Variants in CATSPER4 observed in about 807,000 individuals in gnomAD.
The protein encoded by CATSPER4 is cation channel sperm-associated protein 4.
A neutral mutation model predicts 54.4 loss-of-function variants in CATSPER4; 46 were observed. The observed-to-expected ratio is 0.84, with a 90% confidence interval of 0.67 to 1.08. The LOEUF is 1.08. CATSPER4 is among the 50% of genes least tolerant of loss of function. The probability of loss-of-function intolerance (pLI) is 0.00; values close to 1 mark genes in which losing one functional copy is unlikely to be tolerated. For synonymous variants in CATSPER4, 230 were observed against 231.9 expected (o/e 0.99, Z 0.08); for missense variants, 574 against 612.8 (o/e 0.94, Z 0.67).
At position 26,193,780 on chromosome 1, in the gene CATSPER4, C is replaced by T. The variant is rs1188440475; in HGVS notation, c.358-7C>T. 4 of 1,594,128 alleles carry T rather than the reference C, an allele frequency of 2.5e-6. No individual in the cohort carries two copies. The highest frequency in any genetic ancestry group is 1.3e-5 in the African/African-American group (1 of 74,714). The stretch of plus-strand genomic sequence containing the variant: ...CTGCCCCTCTTTTTTCTCTGTCTCC[C>T]ATGTAGAAACACTATGAGTTGTTCT... On this transcript the variant is annotated splice_region_variant and splice_polypyrimidine_tract_variant and intron_variant, in intron 2 of 9. Transcript: ENST00000456354.
At chr1:26,198,174 G>C (rs2088965389) in intron 5 of CATSPER4, 97 bp downstream of exon 5, 2 of 1,612,702 alleles carry the variant, frequency 1.2e-6, no homozygotes, top group South Asian at 1.1e-5. Flanking sequence ...AGAGAGGCCT[G>C]TGGGCCTGAA....
intron 2 of CATSPER4, among the ~76,000 whole-genome samples, chr1:26,191,700 G>A (rs577888958): frequency 1.3e-5 from 2 of 152,196 alleles, no homozygotes; most frequent in Non-Finnish European, 2.9e-5. Flanking sequence ...TGGGTGCCTT[G>A]TGGAGAAGGG....
At chr1:26,198,563 A>G in intron 6 of CATSPER4, 144 bp downstream of exon 6, 1 of 1,014,494 alleles carries the variant, frequency 9.9e-7, no homozygotes, top group Non-Finnish European at 1.5e-6. Flanking sequence ...AAACAGAGGA[A>G]AAGGAAATAC....
intron 1 of CATSPER4, 67 bp from the exon 2 acceptor site, chr1:26,191,220 A>G: frequency 3.1e-6 from 5 of 1,595,226 alleles, no homozygotes; most frequent in Non-Finnish European, 4.3e-6. Context: ...ATTCTCTAAG[A>G]GCAAACCCCC....
At chr1:26,193,968 C>T (rs1301379354) in intron 3 of CATSPER4, 80 bp downstream of exon 3, 14 of 931,028 alleles carry the variant, frequency 1.5e-5, no homozygotes, top group Non-Finnish European at 2.5e-5. Context: ...CCTGGCCCTA[C>T]AAACTGAGGG....
intron 8 of CATSPER4, 133 bp from the exon 9 acceptor site, chr1:26,201,221 A>C: frequency 9.4e-7 from 1 of 1,059,832 alleles, no homozygotes; most frequent in Non-Finnish European, 1.4e-6. Context: ...ATCTCACACA[A>C]GGGCACAGCT....
rs561742837 is a variant in CATSPER4, at chr1:26,199,598, C to CAAAAAAAAAAAAAA, written c.813-273_813-272insAAAAAAAAAAAAAA. ...TGGGCAACACAGCGAGACTCCATCT[C>CAAAAAAAAAAAAAA]AAAAAAAAAAAAAGGAGTGTAGCTA... On this transcript the variant is annotated intron_variant, in intron 6 of 9. Transcript: ENST00000456354. Among the ~76,000 whole-genome samples the CAAAAAAAAAAAAAA allele has an allele frequency of 7.7e-4, 88 of 113,844 alleles. 6 individuals are homozygous for CAAAAAAAAAAAAAA. Among genetic ancestry groups the CAAAAAAAAAAAAAA allele is most frequent in the African/African-American group, 2.4e-3 (71 of 29,354 alleles). The allele number at this position is 113,844 out of a possible 152,430, so 74.7% of individuals were successfully genotyped here.
At chr1:26,191,668 G>A (rs2088870791) in intron 2 of CATSPER4, among the ~76,000 whole-genome samples, 1 of 152,222 alleles carries the variant, frequency 6.6e-6, no homozygotes. Flanking sequence ...GGAGAAGAAT[G>A]GTGTGAGCAG....
At chr1:26,200,527 G>GC (rs2088995452) in intron 7 of CATSPER4, among the ~76,000 whole-genome samples, 1 of 152,102 alleles carries the variant, frequency 6.6e-6, no homozygotes, top group Admixed American at 6.5e-5. Flanking sequence ...AGTGCTGGAG[G>GC]CCTGGGCTTG....
rs753943049 is a variant in CATSPER4, at chr1:26,191,369, C to T, written c.296C>T (p.Ala99Val). The T allele has an allele frequency of 6.2e-7, 1 of 1,614,180 alleles. No individual in the cohort carries two copies. The highest frequency in any genetic ancestry group is 8.5e-7 in the Non-Finnish European group (1 of 1,180,014). Residue 99 changes from alanine (A) to valine (V), a missense_variant, in exon 2 of 10, where the codon GCC becomes GTC. By Grantham distance (64) the Ala-to-Val change is moderately conservative. Transcript: ENST00000456354. ...LRHPAFQLLL[A>V]LLLVINAITI... Reference sequence around the variant, plus strand: ...CACCCCGCCTTCCAACTGCTGCTGGCCCTGCTGCTGGTGATCAATGCCATC... The same window carrying T: ...CACCCCGCCTTCCAACTGCTGCTGGTCCTGCTGCTGGTGATCAATGCCATC...
intron 9 of CATSPER4, among the ~76,000 whole-genome samples, chr1:26,201,882 G>T (rs2089012905): frequency 6.6e-6 from 1 of 151,802 alleles, no homozygotes; most frequent in African/African-American, 2.4e-5. Context: ...TAGAGATGGG[G>T]GTTTCACCAT....
In CATSPER4 at chr1:26,201,399, GT is replaced by G; in HGVS notation, c.1246del (p.Ser416GlnfsTer4). On this transcript the variant is annotated frameshift_variant, in exon 9 of 10. Transcript: ENST00000456354. LOFTEE classifies it high-confidence loss of function. Reference protein sequence around the residue: ...RAIRFNQEQESEVLNRRSSTS... With the variant: ...RAIRFNQEQEXEVLNRRSSTS... ...CAATCCGCTTCAACCAGGAGCAGGA[GT>G]CAGAGGTGTTGAACAGGCGCTCGTC... 1.2e-6 allele frequency: 2 copies of G among 1,614,180 alleles called. No individual in the cohort carries two copies. Among genetic ancestry groups the G allele is most frequent in the South Asian group, 2.2e-5 (2 of 91,088 alleles).
intron 9 of CATSPER4, 136 bp downstream of exon 9, chr1:26,201,655 CT>C (rs1383037802): frequency 1.5e-5 from 11 of 727,274 alleles, no homozygotes; most frequent in Admixed American, 5.4e-5. Flanking sequence ...ACCACCCCTC[CT>C]TTTTTTTCTT....
At position 26,190,713 on chromosome 1, in the gene CATSPER4, T is replaced by C. The variant is rs755860279; in HGVS notation, c.86T>C (p.Met29Thr). The C allele has an allele frequency of 6.2e-7, 1 of 1,613,324 alleles. No individual in the cohort carries two copies. The highest frequency in any genetic ancestry group is 1.3e-5 in the African/African-American group (1 of 74,886). Residue 29 changes from methionine (M) to threonine (T), a missense_variant, in exon 1 of 10, where the codon ATG becomes ACG. By Grantham distance (81) the Met-to-Thr change is moderately conservative. Coordinates refer to ENST00000456354, the MANE Select transcript of CATSPER4 (RefSeq NM_198137.2). The part of the protein sequence containing the change: ...EGWGGTQEDR[M>T]GFGGAVAALR... ...TGGGGCGGGACTCAGGAGGACCGTATGGGGTTTGGAGGGGCAGTAGCTGCA... is the reference window on the plus strand; with the variant it reads ...TGGGGCGGGACTCAGGAGGACCGTACGGGGTTTGGAGGGGCAGTAGCTGCA...
chr1:26,200,538 AG>A (rs1293929327), intron 7 of CATSPER4, among the ~76,000 whole-genome samples: 1 of 151,896 alleles, frequency 6.6e-6, no homozygotes, highest in Admixed American at 6.6e-5. Flanking sequence ...CCTGGGCTTG[AG>A]GGTAGGCAGG....
chr1:26,190,908 G>A lies in CATSPER4; in HGVS notation c.213+68G>A, dbSNP rs575250442. The A allele has an allele frequency of 4.8e-6, 7 of 1,455,900 alleles. No individual in the cohort carries two copies. The East Asian group carries it at 1.5e-4, about 31-fold the overall frequency. 90.2% of individuals were successfully genotyped at this position (1,455,900 alleles called of 1,614,324 possible). ...TGCTCATGGGCAGCAGGCCCTCATG[G>A]TAACTCTGCCCCTCTACCCTCTAAA... On this transcript the variant is annotated intron_variant, in intron 1 of 9. Coordinates refer to ENST00000456354, the MANE Select transcript of CATSPER4 (RefSeq NM_198137.2).
At chr1:26,194,444 T>C (rs976323464) in intron 3 of CATSPER4, among the ~76,000 whole-genome samples, 4 of 152,248 alleles carry the variant, frequency 2.6e-5, no homozygotes, top group Admixed American at 2.6e-4. Context: ...TCAGATGTCT[T>C]CTCTTCCAGG....
chr1:26,201,456 C>G lies in CATSPER4; in HGVS notation c.1302C>G (p.Ser434=). Reference sequence around the variant, plus strand: ...GCGGGTCGTTGGAGACTACGTCATCCAAGGACATCCGCCAGATGTCTCAAC... The same window carrying G: ...GCGGGTCGTTGGAGACTACGTCATCGAAGGACATCCGCCAGATGTCTCAAC... ...STSGSLETTS[S]KDIRQMSQQQ... is the part of the protein sequence containing the mutation. Residue 434 remains serine, a synonymous_variant, in exon 9 of 10, where the codon TCC becomes TCG. Coordinates refer to ENST00000456354, the MANE Select transcript of CATSPER4 (RefSeq NM_198137.2). The G allele has an allele frequency of 6.2e-7, 1 of 1,614,016 alleles. No individual in the cohort carries two copies. Among genetic ancestry groups the G allele is most frequent in the Non-Finnish European group, 8.5e-7 (1 of 1,179,928 alleles).
At chr1:26,201,301 G>T in intron 8 of CATSPER4, 53 bp from the exon 9 acceptor site, 1 of 1,586,986 alleles carries the variant, frequency 6.3e-7, no homozygotes, top group Non-Finnish European at 8.6e-7. Context: ...AGGTGGGAGG[G>T]CTGCTTCCCT....
Sources: allele counts gnomAD v4.1 joint callset (sites outside exome capture counted in the v4.1 genomes callset), GRCh38; gene constraint gnomAD v4.1.1; transcripts MANE v1.5; gene names NCBI Gene and HGNC (gene_info 2026-07-23, HGNC 2026-07-21).